SLC2A13: variants seen among roughly 807,000 people sequenced by gnomAD.
SLC2A13 encodes the protein proton myo-inositol cotransporter.
In SLC2A13, 32 loss-of-function variants were observed where a neutral mutation model predicts 64.4. The ratio of observed to expected loss-of-function variants is 0.50; its 90% CI spans 0.37 to 0.67. The LOEUF is 0.67. Among genes scored for constraint, SLC2A13 ranks in the 30% least tolerant of loss-of-function variants. The pLI, the probability that SLC2A13 is intolerant of heterozygous loss-of-function variation, is 0.00. For missense variants in SLC2A13, 743 were observed against 829.2 expected (o/e 0.90, Z 1.28); for synonymous variants, 338 against 327.1 (o/e 1.03, Z -0.36).
intron 5 of SLC2A13, among the ~76,000 whole-genome samples, chr12:39,868,857 T>G (rs905808774): frequency 2.0e-5 from 3 of 152,202 alleles, no homozygotes; most frequent in African/African-American, 7.2e-5. Context: ...CTACATATTT[T>G]GTACTTCTTT....
chr12:39,898,280 T>C (rs1210690169), intron 4 of SLC2A13, among the ~76,000 whole-genome samples: 6 of 152,126 alleles, frequency 3.9e-5, no homozygotes, highest in Admixed American at 2.0e-4. Flanking sequence ...AGAAACTCTT[T>C]CGAAAATATA....
chr12:39,923,116 A>G (rs1397222224), intron 4 of SLC2A13, among the ~76,000 whole-genome samples: 6 of 152,240 alleles, frequency 3.9e-5, no homozygotes, highest in Admixed American at 3.9e-4. Context: ...TATTTTAGAT[A>G]AGCTAGTCTT....
intron 1 of SLC2A13, among the ~76,000 whole-genome samples, chr12:40,104,864 G>C (rs1454474922): frequency 6.6e-6 from 1 of 152,172 alleles, no homozygotes; most frequent in East Asian, 1.9e-4. Context: ...AGGCAAGGTG[G>C]GACAGTGCAG....
chr12:39,842,593 C>G (rs1264703291), intron 6 of SLC2A13, among the ~76,000 whole-genome samples: 1 of 151,932 alleles, frequency 6.6e-6, no homozygotes, highest in Non-Finnish European at 1.5e-5. Context: ...GGTGATCACT[C>G]ACTATAGCAC....
rs572667083 is a variant in SLC2A13 at position 39,921,007 on chromosome 12, G to A, written c.1034+30250C>T. 3.3e-5 allele frequency among the ~76,000 whole-genome samples: 5 copies of A among 152,204 alleles called. No homozygotes were observed. The South Asian group carries it at 6.2e-4, about 19-fold the overall frequency. On this transcript the variant is annotated intron_variant, in intron 4 of 9. Coordinates refer to ENST00000280871, the MANE Select transcript of SLC2A13 (RefSeq NM_052885.4). ...AAAAAATTTGGCAAACAGACAAAGA[G>A]TAGTTCAAATACAGAAAACCACAAG... is the stretch of plus-strand genomic sequence containing the variant.
chr12:39,760,400 T>G (rs1940090854), intron 9 of SLC2A13, 148 bp from the exon 10 acceptor site: 1 of 640,038 alleles, frequency 1.6e-6, no homozygotes, highest in South Asian at 2.0e-5. Context: ...GAACCTGGTT[T>G]ACTCCAATTG....
intron 1 of SLC2A13, among the ~76,000 whole-genome samples, chr12:40,086,454 A>C (rs1938590812): frequency 6.6e-6 from 1 of 152,218 alleles, no homozygotes; most frequent in South Asian, 2.1e-4. Flanking sequence ...AAAACACAGC[A>C]GTAAATCTGA....
At chr12:39,897,994 G>T (rs1221113823) in intron 4 of SLC2A13, among the ~76,000 whole-genome samples, 1 of 151,976 alleles carries the variant, frequency 6.6e-6, no homozygotes, top group Non-Finnish European at 1.5e-5. Context: ...ACACTTAAGA[G>T]ATGTTATCAG....
chr12:39,964,336 A>G (rs1946467988), intron 3 of SLC2A13, among the ~76,000 whole-genome samples: 1 of 152,228 alleles, frequency 6.6e-6, no homozygotes, highest in Non-Finnish European at 1.5e-5. Context: ...AAGATGTTCT[A>G]TAAAAAAGGG....
chr12:39,770,601 T>G (rs770386576), intron 7 of SLC2A13, among the ~76,000 whole-genome samples: 45 of 152,270 alleles, frequency 3.0e-4, no homozygotes, highest in Non-Finnish European at 5.1e-4. Context: ...CATGGGCTGT[T>G]GGGAACATTA....
chr12:40,015,531 T>C lies in SLC2A13; in HGVS notation c.925+12770A>G, dbSNP rs522895. ...CAAATGTATGTCTGGGTTTCCTTTC[T>C]GGAAATGTACTACCACTTCCTCCAG... On this transcript the variant is annotated intron_variant, in intron 3 of 9. Transcript: ENST00000280871. 2.0e-5 allele frequency among the ~76,000 whole-genome samples: 3 copies of C among 152,176 alleles called. 1 individual carries two copies. In the South Asian group the frequency reaches 6.2e-4, roughly 32 times the overall value.
At chr12:40,089,584 C>T (rs1184933002) in intron 1 of SLC2A13, among the ~76,000 whole-genome samples, 1 of 152,136 alleles carries the variant, frequency 6.6e-6, no homozygotes, top group Non-Finnish European at 1.5e-5. Context: ...TCTTCATCTC[C>T]TCAACAAAGG....
chr12:39,870,535 CT>C (rs1446948908), intron 5 of SLC2A13, among the ~76,000 whole-genome samples: 1 of 152,168 alleles, frequency 6.6e-6, no homozygotes, highest in Non-Finnish European at 1.5e-5. Flanking sequence ...ACCTGGTAGG[CT>C]TCTGCCTTTA....
In SLC2A13 at chr12:39,760,086, A is replaced by C. The variant is rs1447767965; in HGVS notation, c.1887T>G (p.Tyr629Ter). The C allele has an allele frequency of 1.2e-6, 2 of 1,612,918 alleles. No homozygotes were observed. Among genetic ancestry groups the C allele is most frequent in the Non-Finnish European group, 1.7e-6 (2 of 1,179,324 alleles). The change falls in exon 10 of 10, where the codon TAT becomes TAG. Residue 629 changes from tyrosine to a stop codon, truncating the protein, a stop_gained. Coordinates refer to ENST00000280871, the MANE Select transcript of SLC2A13 (RefSeq NM_052885.4). LOFTEE classifies it high-confidence loss of function. ...GATAGTTACTTCCCTTTACCCGAAT[A>C]TATTCAATATATCTCCCTTCATCAG... ...SDSDEGRYIEYIRVKGSNYHL... is the reference protein window; with the variant it reads ...SDSDEGRYIE
intron 6 of SLC2A13, among the ~76,000 whole-genome samples, chr12:39,837,718 C>T (rs1943054223): frequency 6.6e-6 from 1 of 152,166 alleles, no homozygotes; most frequent in Non-Finnish European, 1.5e-5. Flanking sequence ...GACATTTATA[C>T]AACCAAAAAA....
intron 3 of SLC2A13, among the ~76,000 whole-genome samples, chr12:39,952,619 A>T (rs909685678): frequency 6.6e-6 from 1 of 152,176 alleles, no homozygotes; most frequent in Non-Finnish European, 1.5e-5. Context: ...GTTATTGCAA[A>T]TGATTTTGTT....
intron 3 of SLC2A13, among the ~76,000 whole-genome samples, chr12:39,972,018 T>TA (rs1474580303): frequency 0.13 from 5,160 of 40,622 alleles, 297 homozygotes; most frequent in Middle Eastern, 0.3. Flanking sequence ...ATATATATTT[T>TA]TTTTTATATA....
At chr12:40,071,125 C>G (rs1937939624) in intron 1 of SLC2A13, among the ~76,000 whole-genome samples, 1 of 152,156 alleles carries the variant, frequency 6.6e-6, no homozygotes, top group African/African-American at 2.4e-5. Flanking sequence ...AGAAATGCTG[C>G]TAAGCATCTT....
chr12:39,979,423 G>GA (rs1465308107), intron 3 of SLC2A13, among the ~76,000 whole-genome samples: 1 of 140,244 alleles, frequency 7.1e-6, no homozygotes, highest in Non-Finnish European at 1.6e-5. Context: ...TGAAAACTTT[G>GA]AAAAAAATTT....
Sources: allele counts gnomAD v4.1 joint callset (sites outside exome capture counted in the v4.1 genomes callset), GRCh38; gene constraint gnomAD v4.1.1; transcripts MANE v1.5; gene names NCBI Gene and HGNC (gene_info 2026-07-23, HGNC 2026-07-21).